Variants in PDE11A observed in about 807,000 individuals in gnomAD.
The protein encoded by PDE11A is dual 3',5'-cyclic-AMP and -GMP phosphodiesterase 11A.
In PDE11A, 100 loss-of-function variants were observed where a neutral mutation model predicts 100.5. That is an observed-to-expected ratio of 1.00 (90% CI 0.85 to 1.18). The LOEUF (loss-of-function observed/expected upper bound fraction) is 1.18, where lower values mean the gene tolerates loss of function less well. Ranked by LOEUF, PDE11A falls within the 50% of genes most tolerant of loss-of-function variation. The pLI is 0.00. For missense variants in PDE11A, 1,141 were observed against 1,152.6 expected, an observed-to-expected ratio of 0.99 and a Z score of 0.15; for synonymous variants, 381 against 420.8, an observed-to-expected ratio of 0.91 and a Z score of 1.16.
At chr2:177,647,208 T>C (rs58970701) in intron 19 of PDE11A, among the ~76,000 whole-genome samples, 8,427 of 152,344 alleles carry the variant, frequency 0.055, 335 homozygotes, top group East Asian at 0.19. Context: ...TATTATTTTT[T>C]CAAAGTTCAA....
chr2:177,687,336 A>G (rs2080967465), intron 15 of PDE11A: 1 of 144,252 alleles, frequency 6.9e-6, no homozygotes, highest in Non-Finnish European at 1.5e-5. Flanking sequence ...TGTATAAAGC[A>G]TCATCACATA....
chr2:177,933,952 C>T (rs529134628), intron 2 of PDE11A, among the ~76,000 whole-genome samples: 7 of 152,126 alleles, frequency 4.6e-5, no homozygotes, highest in African/African-American at 9.7e-5. Flanking sequence ...AACTGGACCC[C>T]TACCTTTCAC....
intron 2 of PDE11A, among the ~76,000 whole-genome samples, chr2:178,101,171 T>C (rs766441743): frequency 1.3e-5 from 2 of 152,152 alleles, no homozygotes; most frequent in African/African-American, 4.8e-5. Flanking sequence ...GGCTACAAAT[T>C]TGGGGGTTCC....
At chr2:177,891,554 A>G (rs1045236164) in intron 4 of PDE11A, among the ~76,000 whole-genome samples, 10 of 152,134 alleles carry the variant, frequency 6.6e-5, no homozygotes, top group African/African-American at 2.4e-4. Context: ...GTATTTTTGC[A>G]TTTGATTTTT....
At chr2:177,886,254 T>C (rs1035531127) in intron 4 of PDE11A, among the ~76,000 whole-genome samples, 1 of 152,232 alleles carries the variant, frequency 6.6e-6, no homozygotes, top group Middle Eastern at 3.2e-3. Flanking sequence ...CAATCTTTCC[T>C]TCTTCCCAGT....
chr2:177,895,662 A>G (rs1210127459), intron 4 of PDE11A, among the ~76,000 whole-genome samples: 1 of 152,222 alleles, frequency 6.6e-6, no homozygotes, highest in Non-Finnish European at 1.5e-5. Context: ...GTACAGAAAG[A>G]CAAATACTGG....
intron 2 of PDE11A, among the ~76,000 whole-genome samples, chr2:177,932,017 C>T (rs974707513): frequency 6.6e-6 from 1 of 151,668 alleles, no homozygotes; most frequent in African/African-American, 2.4e-5. Context: ...AAAAGATCCT[C>T]AGAGATGATT....
At chr2:177,938,032 T>C (rs1235958737) in intron 2 of PDE11A, among the ~76,000 whole-genome samples, 1 of 151,924 alleles carries the variant, frequency 6.6e-6, no homozygotes, top group Non-Finnish European at 1.5e-5. Context: ...GATTAATAGA[T>C]AAGGAGTTAC....
intron 19 of PDE11A, among the ~76,000 whole-genome samples, chr2:177,649,116 T>C (rs1371791644): frequency 1.3e-5 from 2 of 152,170 alleles, no homozygotes; most frequent in African/African-American, 2.4e-5. Flanking sequence ...AATTTGGTAA[T>C]ACATTGTGTT....
intron 13 of PDE11A, among the ~76,000 whole-genome samples, chr2:177,704,901 C>T (rs2081256638): frequency 6.6e-6 from 1 of 152,012 alleles, no homozygotes; most frequent in South Asian, 2.1e-4. Flanking sequence ...AGTGCAATGG[C>T]GCGATGTTGG....
chr2:177,866,063 T>C (rs1683559606), intron 5 of PDE11A, among the ~76,000 whole-genome samples: 1 of 152,182 alleles, frequency 6.6e-6, no homozygotes, highest in Admixed American at 6.5e-5. Context: ...ATAAATATGA[T>C]AATTACGCTG....
chr2:177,849,889 AC>A (rs1048123555), intron 5 of PDE11A, among the ~76,000 whole-genome samples: 2 of 152,202 alleles, frequency 1.3e-5, no homozygotes, highest in African/African-American at 4.8e-5. Context: ...AAAAGAGGAT[AC>A]AAAGAAATGG....
chr2:177,693,858 A>T (rs903121925), intron 15 of PDE11A, among the ~76,000 whole-genome samples: 5 of 152,226 alleles, frequency 3.3e-5, no homozygotes, highest in African/African-American at 1.2e-4. Flanking sequence ...GGATTGCATC[A>T]TTTCTAAGAT....
intron 1 of PDE11A, among the ~76,000 whole-genome samples, chr2:178,027,818 T>G (rs1467513791): frequency 6.6e-6 from 1 of 152,198 alleles, no homozygotes; most frequent in African/African-American, 2.4e-5. Flanking sequence ...CTCTCTCAGA[T>G]TCTGACCTTC....
chr2:178,037,642 C>T (rs181544686), intron 1 of PDE11A, among the ~76,000 whole-genome samples: 1 of 152,180 alleles, frequency 6.6e-6, no homozygotes, highest in African/African-American at 2.4e-5. Flanking sequence ...CAATGATAGA[C>T]TGGATAAAGA....
chr2:178,010,159 C>T (rs1456081073), intron 2 of PDE11A, among the ~76,000 whole-genome samples: 1 of 152,186 alleles, frequency 6.6e-6, no homozygotes, highest in African/African-American at 2.4e-5. Flanking sequence ...AAAGATGCAG[C>T]CACTTGCTGA....
chr2:177,626,640 C>T lies in PDE11A; in HGVS notation c.*2767G>A, dbSNP rs1011842384. The T allele has an allele frequency of 6.6e-6, 1 of 152,612 alleles. No individual in the cohort carries two copies. Among genetic ancestry groups the T allele is most frequent in the Non-Finnish European group, 1.5e-5 (1 of 68,046 alleles). The allele number at this position is 152,612 out of a possible 1,614,324, so 9.5% of individuals were successfully genotyped here. ...AATAAAATCCATAAATCTGAACAACCTCCTCTTACCTGCTCTGCAGAGGCA... is the reference window on the plus strand; with the variant it reads ...AATAAAATCCATAAATCTGAACAACTTCCTCTTACCTGCTCTGCAGAGGCA... On this transcript the variant is annotated 3_prime_UTR_variant, in exon 20 of 20. Coordinates refer to ENST00000286063, the MANE Select transcript of PDE11A (RefSeq NM_016953.4).
chr2:178,083,393 C>T (rs895539722), intron 2 of PDE11A, among the ~76,000 whole-genome samples: 2 of 152,130 alleles, frequency 1.3e-5, no homozygotes, highest in Admixed American at 1.3e-4. Context: ...GCCACCTCGC[C>T]CAGCCAGTAG....
intron 6 of PDE11A, among the ~76,000 whole-genome samples, chr2:177,839,757 T>A (rs1425109491): frequency 6.6e-6 from 1 of 152,212 alleles, no homozygotes; most frequent in East Asian, 1.9e-4. Flanking sequence ...AGAGTACACA[T>A]ATGTACATAG....
Sources: gnomAD v4.1 joint callset for allele counts (sites outside exome capture counted in the v4.1 genomes callset) on GRCh38, gnomAD v4.1.1 for gene constraint, MANE v1.5 for transcripts, NCBI Gene and HGNC (gene_info 2026-07-23, HGNC 2026-07-21) for gene names.